The following LYPD6B variants were observed in gnomAD, a reference collection of about 807,000 sequenced individuals.
LYPD6B encodes the protein ly6/PLAUR domain-containing protein 6B.
Under a neutral mutation model 22.8 loss-of-function variants are expected in LYPD6B, and 17 were observed. That is an observed-to-expected ratio of 0.75 (90% CI 0.51 to 1.12). LYPD6B has a LOEUF of 1.12. Among genes scored for constraint, LYPD6B ranks in the 50% most tolerant of loss-of-function variants. The pLI is 0.00. For missense variants in LYPD6B, 221 were observed against 258.3 expected (o/e 0.86, Z 0.99); for synonymous variants, 106 against 91.6 (o/e 1.16, Z -0.90).
At chr2:149,087,525 C>T (rs986922567) in intron 1 of LYPD6B, among the ~76,000 whole-genome samples, 2 of 151,952 alleles carry the variant, frequency 1.3e-5, no homozygotes, top group African/African-American at 2.4e-5. Flanking sequence ...GTAATTATGT[C>T]GCCGCACTCT....
intron 4 of LYPD6B, among the ~76,000 whole-genome samples, chr2:149,206,673 A>C (rs1196544906): frequency 2.0e-5 from 3 of 152,150 alleles, no homozygotes; most frequent in Admixed American, 6.5e-5. Context: ...AGAAGAAAAT[A>C]AAATTCATTC....
intron 2 of LYPD6B, 198 bp downstream of exon 2, chr2:149,131,151 T>C (rs530827936): frequency 2.0e-6 from 1 of 493,962 alleles, no homozygotes; most frequent in Admixed American, 3.9e-5. Context: ...ATATTGACTT[T>C]TTATGAAAGA....
intron 1 of LYPD6B, among the ~76,000 whole-genome samples, chr2:149,082,322 C>G (rs1453335938): frequency 6.6e-6 from 1 of 152,192 alleles, no homozygotes; most frequent in East Asian, 1.9e-4. Context: ...TAGATCTTCA[C>G]CTCTCCTGCT....
At chr2:149,057,153 T>G (rs1164072592) in intron 1 of LYPD6B, among the ~76,000 whole-genome samples, 1 of 152,142 alleles carries the variant, frequency 6.6e-6, no homozygotes, top group Non-Finnish European at 1.5e-5. Context: ...TCATGTATTT[T>G]CATTTTTACT....
intron 2 of LYPD6B, among the ~76,000 whole-genome samples, chr2:149,155,254 A>G (rs555365636): frequency 1.3e-5 from 2 of 152,222 alleles, no homozygotes; most frequent in Non-Finnish European, 2.9e-5. Flanking sequence ...CAGAAGCACA[A>G]TCACCCTCTG....
At chr2:149,117,793 T>C (rs1390917937) in intron 1 of LYPD6B, among the ~76,000 whole-genome samples, 1 of 152,228 alleles carries the variant, frequency 6.6e-6, no homozygotes, top group African/African-American at 2.4e-5. Context: ...TGTAACAAAG[T>C]ACTCCAAAAT....
chr2:149,192,744 C>T (rs1053743820), intron 3 of LYPD6B, among the ~76,000 whole-genome samples: 2 of 151,966 alleles, frequency 1.3e-5, no homozygotes, highest in African/African-American at 2.4e-5. Flanking sequence ...TAATTTGAGC[C>T]CTCTTAGCCC....
At chr2:149,130,311 G>A (rs773024290) in intron 1 of LYPD6B, among the ~76,000 whole-genome samples, 1 of 152,166 alleles carries the variant, frequency 6.6e-6, no homozygotes, top group Non-Finnish European at 1.5e-5. Context: ...CCTTTTGAAG[G>A]GGAGGAGAAG....
chr2:149,214,612 G>T lies in LYPD6B; in HGVS notation c.526G>T (p.Val176Leu). 6.2e-7 allele frequency: 1 copy of T among 1,613,966 alleles called. No individual in the cohort carries two copies. Among genetic ancestry groups the T allele is most frequent in the Non-Finnish European group, 8.5e-7 (1 of 1,179,866 alleles). Residue 176 changes from valine (V) to leucine (L), a missense_variant, in exon 7 of 7, where the codon GTG (valine) becomes TTG (leucine). Coordinates refer to ENST00000409642, the MANE Select transcript of LYPD6B (RefSeq NM_177964.5). ...VELPTNHTNA[V>L]FAVMHAQRTS... ...ATTACCCACCAATCACACTAATGCA[G>T]TGTTTGCCGTAATGCACGCTCAGAG...
chr2:149,166,601 T>C (rs1284545881), intron 3 of LYPD6B, among the ~76,000 whole-genome samples: 1 of 152,084 alleles, frequency 6.6e-6, no homozygotes, highest in East Asian at 1.9e-4. Context: ...TAGCATCTTA[T>C]CTCCCTTAAA....
chr2:149,121,689 G>A (rs564058532), intron 1 of LYPD6B, among the ~76,000 whole-genome samples: 1 of 152,314 alleles, frequency 6.6e-6, no homozygotes, highest in South Asian at 2.1e-4. Context: ...AGGAAGTAAT[G>A]TTCCATGAGC....
intron 2 of LYPD6B, among the ~76,000 whole-genome samples, chr2:149,149,860 T>C (rs919431068): frequency 6.6e-6 from 1 of 152,240 alleles, no homozygotes; most frequent in Non-Finnish European, 1.5e-5. Flanking sequence ...CCACATCCTT[T>C]AGTCCTGCTC....
At chr2:149,056,270 G>A (rs1442951009) in intron 1 of LYPD6B, among the ~76,000 whole-genome samples, 3 of 152,100 alleles carry the variant, frequency 2.0e-5, no homozygotes, top group African/African-American at 7.2e-5. Context: ...TATGCTTCAG[G>A]TACTGTGCTG....
At chr2:149,202,548 G>A (rs891248516) in intron 3 of LYPD6B, among the ~76,000 whole-genome samples, 26 of 152,120 alleles carry the variant, frequency 1.7e-4, no homozygotes, top group African/African-American at 6.3e-4. Context: ...ATTCACCATC[G>A]TCTCACCTTA....
chr2:149,176,156 A>G (rs1197553484), intron 3 of LYPD6B, among the ~76,000 whole-genome samples: 1 of 152,200 alleles, frequency 6.6e-6, no homozygotes, highest in Admixed American at 6.5e-5. Flanking sequence ...GCACTGTGCT[A>G]TGATGTTATG....
intron 1 of LYPD6B, among the ~76,000 whole-genome samples, chr2:149,120,383 A>ATATATATTTTTTTT (rs1327065975): frequency 2.1e-5 from 1 of 48,618 alleles, no homozygotes; most frequent in African/African-American, 1.1e-4. Flanking sequence ...ATATATATAT[A>ATATATATTTTTTTT]TTTTTTTTTT....
chr2:149,168,211 C>CAAAAAAA, intron 3 of LYPD6B, among the ~76,000 whole-genome samples: 1 of 48,488 alleles, frequency 2.1e-5, no homozygotes, highest in Non-Finnish European at 4.1e-5. Context: ...GGCTCTGTCT[C>CAAAAAAA]AAAAAAAAAA....
At chr2:149,123,461 A>G (rs1687500746) in intron 1 of LYPD6B, among the ~76,000 whole-genome samples, 1 of 152,188 alleles carries the variant, frequency 6.6e-6, no homozygotes, top group African/African-American at 2.4e-5. Context: ...AAAGATCTGT[A>G]CGTAACTAAA....
chr2:149,196,881 C>G (rs1247019633), intron 3 of LYPD6B, among the ~76,000 whole-genome samples: 4 of 152,188 alleles, frequency 2.6e-5, no homozygotes, highest in Non-Finnish European at 5.9e-5. Context: ...CCGAGTGACC[C>G]TGAATGCTAA....
Sources: allele counts gnomAD v4.1 joint callset (sites outside exome capture counted in the v4.1 genomes callset), GRCh38; gene constraint gnomAD v4.1.1; transcripts MANE v1.5; gene names NCBI Gene and HGNC (gene_info 2026-07-23, HGNC 2026-07-21).